Variants in FYCO1 observed in about 807,000 individuals in gnomAD.
FYCO1 encodes the protein FYVE and coiled-coil domain-containing protein 1.
Under a neutral mutation model 165.1 loss-of-function variants are expected in FYCO1, and 122 were observed. The ratio of observed to expected loss-of-function variants is 0.74; its 90% CI spans 0.64 to 0.86. The LOEUF (loss-of-function observed/expected upper bound fraction) is 0.86. Among genes scored for constraint, FYCO1 ranks in the 40% least tolerant of loss-of-function variants. The pLI is 0.00. For synonymous variants in FYCO1, 648 were observed against 742.5 expected, an observed-to-expected ratio of 0.87 and a Z score of 2.07; for missense variants, 1,702 against 1,810.3, an observed-to-expected ratio of 0.94 and a Z score of 1.09.
At chr3:45,975,900 G>C (rs1475853885) in intron 4 of FYCO1, among the ~76,000 whole-genome samples, 1 of 152,138 alleles carries the variant, frequency 6.6e-6, no homozygotes, top group African/African-American at 2.4e-5. Context: ...AGGAAGGGAG[G>C]GACAAGGGCA....
At chr3:45,972,510 C>T (rs1413762726) in intron 6 of FYCO1, among the ~76,000 whole-genome samples, 1 of 152,170 alleles carries the variant, frequency 6.6e-6, no homozygotes, top group Non-Finnish European at 1.5e-5. Context: ...GGCCTGCTGC[C>T]CACCAGCTAG....
rs1705775534 is a variant in FYCO1, at chr3:45,962,708, G to C, written c.3270-316C>G. Among the ~76,000 whole-genome samples, 1 of 152,202 alleles carries C rather than the reference G, an allele frequency of 6.6e-6. No individual in the cohort carries two copies. The highest frequency in any genetic ancestry group is 6.5e-5 in the Admixed American group (1 of 15,290). ...GAGAAGCCTGATAGGCAAGGCTCAT[G>C]GGCTGGTGATGGGGAGGATGGGCAG... On this transcript the variant is annotated intron_variant, in intron 10 of 17. Transcript: ENST00000296137. This position sits in a 1 kb window ranked among gnomAD's most constrained non-coding sequence, Gnocchi z 4.4.
intron 14 of FYCO1, 151 bp from the exon 15 acceptor site, chr3:45,936,694 A>G (rs1703911264): frequency 1.4e-6 from 1 of 696,610 alleles, no homozygotes; most frequent in Admixed American, 2.0e-5. Context: ...ACCCTGGCAG[A>G]TTTTGTGGGT....
At chr3:45,971,979 A>G (rs897156529) in intron 6 of FYCO1, among the ~76,000 whole-genome samples, 5 of 152,236 alleles carry the variant, frequency 3.3e-5, no homozygotes, top group Admixed American at 6.5e-5. Flanking sequence ...AAAGAGGATC[A>G]AGTCTGTAAT....
intron 14 of FYCO1, 23 bp from the exon 15 acceptor site, chr3:45,936,566 A>T (rs749183217): frequency 6.6e-7 from 1 of 1,517,674 alleles, no homozygotes. Flanking sequence ...AAATGAGAAC[A>T]CAGTCATTTA....
intron 13 of FYCO1, among the ~76,000 whole-genome samples, 153 bp downstream of exon 13, chr3:45,958,255 T>C (rs1225374300): frequency 2.0e-5 from 3 of 152,236 alleles, no homozygotes; most frequent in Non-Finnish European, 4.4e-5. Context: ...AAAATGAAAG[T>C]CTCAAGTTGG....
Position 45,931,213 on chromosome 3 carries a change from C to T in FYCO1, c.4109G>A (p.Arg1370Lys), listed in dbSNP as rs753384953. ...GGGGATCAGGCTGTAGGTGCTGGAC[C>T]TCACAAACAGCTCCCTGCTACCCTC... ...FGEGSRELFVRSSTYSLIPIT... is the reference protein window; with the variant it reads ...FGEGSRELFVKSSTYSLIPIT... Residue 1370 changes from arginine to lysine, a missense_variant, in exon 16 of 18, where the codon AGG becomes AAG. Arg to Lys is a conservative substitution (Grantham distance 26). Transcript: ENST00000296137. The T allele has an allele frequency of 1.9e-6, 3 of 1,614,086 alleles. No individual in the cohort carries two copies. Among genetic ancestry groups the T allele is most frequent in the Non-Finnish European group, 2.5e-6 (3 of 1,179,962 alleles).
chr3:45,947,558 C>CT (rs1704706630), intron 14 of FYCO1: 2 of 1,432,078 alleles, frequency 1.4e-6, no homozygotes, highest in African/African-American at 2.8e-5. Context: ...CAAGTCATGG[C>CT]TGTGCCCTCT....
chr3:45,959,643 A>G, intron 11 of FYCO1, 101 bp from the exon 12 acceptor site: 1 of 1,281,846 alleles, frequency 7.8e-7, no homozygotes, highest in Non-Finnish European at 1.1e-6. Flanking sequence ...TTCCTAAGTC[A>G]TAGAAAGAAA....
At chr3:45,942,618 C>T (rs1704298399) in intron 14 of FYCO1, among the ~76,000 whole-genome samples, 1 of 152,216 alleles carries the variant, frequency 6.6e-6, no homozygotes, top group Non-Finnish European at 1.5e-5. Context: ...CTACAAGGCA[C>T]TGGGGCATGT....
At chr3:45,928,701 G>A (rs989543645) in intron 16 of FYCO1, among the ~76,000 whole-genome samples, 4 of 152,028 alleles carry the variant, frequency 2.6e-5, no homozygotes, top group Non-Finnish European at 4.4e-5. Context: ...CTTCATCATC[G>A]CCCAGGGGTC....
intron 3 of FYCO1, 29 bp from the exon 4 acceptor site, chr3:45,979,859 G>A: frequency 6.2e-7 from 1 of 1,612,812 alleles, no homozygotes; most frequent in Non-Finnish European, 8.5e-7. Context: ...AGGGAGAGGA[G>A]GTCCAAACCC....
Position 45,965,134 on chromosome 3 carries a change from G to T in FYCO1, c.3058-9C>A. Reference sequence around the variant, plus strand: ...CACTCTTCACCAGCATTCTAGAGAGGACAAGAAAGAAAGAGGACATAAAAG... The same window carrying T: ...CACTCTTCACCAGCATTCTAGAGAGTACAAGAAAGAAAGAGGACATAAAAG... On this transcript the variant is annotated splice_polypyrimidine_tract_variant and intron_variant, in intron 8 of 17. Coordinates refer to ENST00000296137, the MANE Select transcript of FYCO1 (RefSeq NM_024513.4). 6.2e-7 allele frequency: 1 copy of T among 1,609,722 alleles called. No homozygotes were observed. The highest frequency in any genetic ancestry group is 8.5e-7 in the Non-Finnish European group (1 of 1,176,488).
chr3:45,943,855 C>G (rs6785091), intron 14 of FYCO1, among the ~76,000 whole-genome samples: 32,463 of 152,068 alleles, frequency 0.21, 5,342 homozygotes, highest in African/African-American at 0.45. Context: ...TATATTTGCT[C>G]AATGAATAAT....
In FYCO1 at chr3:45,966,736, C is replaced by T. The variant is rs1248193437; in HGVS notation, c.2598G>A (p.Arg866=). Residue 866 remains arginine (R), a synonymous_variant, in exon 8 of 18, where the codon AGG becomes AGA. Transcript: ENST00000296137. The part of the protein sequence containing the change: ...QEERADEAQQ[R]EEELRALQEE... The stretch of plus-strand genomic sequence containing the variant: ...CCTGCAGGGCCCGCAGCTCCTCCTC[C>T]CTCTGCTGGGCCTCATCGGCCCTCT... 1 of 1,611,732 alleles carries T rather than the reference C, an allele frequency of 6.2e-7. No individual in the cohort carries two copies. Among genetic ancestry groups the T allele is most frequent in the Non-Finnish European group, 8.5e-7 (1 of 1,179,970 alleles).
rs1703902026 is a variant in FYCO1 at position 45,936,534 on chromosome 3, T to C, written c.3954A>G (p.Thr1318=). ...TGTCCTCAGGCGTTAGCGAGGTTGA[T>C]GTAGTATCCCTGAAATGTCACAAAT... ...LDPNAAEQDT[T]STSLTPEDTE... Residue 1318 remains threonine, a synonymous_variant, in exon 15 of 18, where the codon ACA becomes ACG. Transcript: ENST00000296137. 1.9e-6 allele frequency: 3 copies of C among 1,611,728 alleles called. No homozygotes were observed. The highest frequency in any genetic ancestry group is 1.7e-6 in the Non-Finnish European group (2 of 1,177,802).
intron 13 of FYCO1, among the ~76,000 whole-genome samples, chr3:45,956,003 C>T (rs1214162054): frequency 6.7e-6 from 1 of 150,200 alleles, no homozygotes; most frequent in African/African-American, 2.4e-5. Context: ...CACTCTCCAG[C>T]ATATGTCACG....
intron 1 of FYCO1, among the ~76,000 whole-genome samples, chr3:45,994,146 A>AG (rs1707685226): frequency 6.6e-6 from 1 of 152,272 alleles, no homozygotes; most frequent in East Asian, 1.9e-4. Flanking sequence ...CCCAGCCCCA[A>AG]GGGGCAAAGG....
chr3:45,972,383 T>C (rs772646784), intron 6 of FYCO1, among the ~76,000 whole-genome samples: 1 of 152,262 alleles, frequency 6.6e-6, no homozygotes, highest in Non-Finnish European at 1.5e-5. Flanking sequence ...CTTTTCTCTA[T>C]ACATGAAGTA....
Sources: gnomAD v4.1 joint callset for allele counts (sites outside exome capture counted in the v4.1 genomes callset) on GRCh38, gnomAD v4.1.1 for gene constraint, Gnocchi (gnomAD v3.1) non-coding constraint, MANE v1.5 for transcripts, NCBI Gene and HGNC (gene_info 2026-07-23, HGNC 2026-07-21) for gene names.